The following EPB41L4A variants were observed in gnomAD, a reference collection of about 807,000 sequenced individuals.
The protein encoded by EPB41L4A is erythrocyte membrane protein band 4.1 like 4A.
Under a neutral mutation model 108.6 loss-of-function variants are expected in EPB41L4A, and 100 were observed. That is an observed-to-expected ratio of 0.92 (90% CI 0.78 to 1.09). EPB41L4A has a LOEUF of 1.09. Ranked by LOEUF, EPB41L4A falls within the 50% of genes least tolerant of loss-of-function variation. EPB41L4A has a pLI of 0.00. For missense variants in EPB41L4A, 1,030 were observed against 842.7 expected, an observed-to-expected ratio of 1.22 and a Z score of -2.75; for synonymous variants, 319 against 289.0, an observed-to-expected ratio of 1.10 and a Z score of -1.05.
chr5:112,339,830 T>G (rs1757196264), intron 1 of EPB41L4A, among the ~76,000 whole-genome samples: 2 of 152,178 alleles, frequency 1.3e-5, no homozygotes, highest in South Asian at 4.1e-4. Context: ...GCCACCACGC[T>G]TGGCCAAGCT....
intron 1 of EPB41L4A, among the ~76,000 whole-genome samples, chr5:112,415,965 T>C (rs957658711): frequency 6.7e-6 from 1 of 148,294 alleles, no homozygotes; most frequent in Admixed American, 6.6e-5. Context: ...CTGTGTTTTA[T>C]TTTTCTGGTA....
At chr5:112,149,291 G>A (rs564217081) in intron 12 of EPB41L4A, among the ~76,000 whole-genome samples, 11 of 152,218 alleles carry the variant, frequency 7.2e-5, no homozygotes, top group Non-Finnish European at 1.2e-4. Flanking sequence ...ACCACATGAT[G>A]AAACACTGTC....
At chr5:112,142,247 GCT>G (rs1759097790), downstream of EPB41L4A, among the ~76,000 whole-genome samples, 1 of 152,172 alleles carries the variant, frequency 6.6e-6, no homozygotes, top group South Asian at 2.1e-4. Flanking sequence ...CTGTCCTGCA[GCT>G]CTCTTTCTTC....
At chr5:112,154,671 A>G (rs990956842) in intron 12 of EPB41L4A, among the ~76,000 whole-genome samples, 9 of 152,230 alleles carry the variant, frequency 5.9e-5, no homozygotes, top group Admixed American at 4.6e-4. Context: ...AAGCATAAAT[A>G]GCCCCCACAA....
At chr5:112,326,153 A>T (rs1408302545) in intron 1 of EPB41L4A, among the ~76,000 whole-genome samples, 2 of 152,088 alleles carry the variant, frequency 1.3e-5, no homozygotes, top group African/African-American at 4.8e-5. Flanking sequence ...CCATCTCTTA[A>T]AAAAAATTTT....
At chr5:112,317,105 C>T (rs985202518) in intron 1 of EPB41L4A, among the ~76,000 whole-genome samples, 1 of 152,210 alleles carries the variant, frequency 6.6e-6, no homozygotes, top group Admixed American at 6.5e-5. Context: ...GGAGGAATGA[C>T]ATGAACATAT....
intron 1 of EPB41L4A, among the ~76,000 whole-genome samples, chr5:112,393,135 G>A (rs1212139417): frequency 1.3e-5 from 2 of 152,176 alleles, no homozygotes; most frequent in African/African-American, 2.4e-5. Context: ...ACAAGAGAAA[G>A]CAGGAAAGAT....
chr5:112,251,529 C>CA (rs1750668888), intron 9 of EPB41L4A, among the ~76,000 whole-genome samples: 2 of 151,890 alleles, frequency 1.3e-5, no homozygotes, highest in Non-Finnish European at 2.9e-5. Flanking sequence ...CAACACAGTA[C>CA]AAAAACCCAT....
In EPB41L4A at chr5:112,264,948, C is replaced by CA; in HGVS notation, c.501dup (p.Asp168Ter). 6.2e-7 allele frequency: 1 copy of CA among 1,611,966 alleles called. No individual in the cohort carries two copies. ...GCTTCTTCAAGTTCTTCCTTCTGAT[C>CA]AGGAACAAACCGGTACTCAGATACA... On this transcript the variant is annotated frameshift_variant, in exon 6 of 23. Coordinates refer to ENST00000261486, the MANE Select transcript of EPB41L4A (RefSeq NM_022140.5). LOFTEE classifies it high-confidence loss of function.
At chr5:112,388,346 A>G (rs967955211) in intron 1 of EPB41L4A, among the ~76,000 whole-genome samples, 3 of 152,200 alleles carry the variant, frequency 2.0e-5, no homozygotes, top group Non-Finnish European at 4.4e-5. Context: ...GAATCTGGAA[A>G]CAGATCGGCA....
At chr5:112,407,127 C>G (rs371987678) in intron 1 of EPB41L4A, among the ~76,000 whole-genome samples, 2 of 152,040 alleles carry the variant, frequency 1.3e-5, no homozygotes, top group Admixed American at 6.6e-5. Flanking sequence ...GAAACGAGTT[C>G]GTGTGAAAGA....
chr5:112,169,678 TAAAAAC>T (rs1361278054), intron 20 of EPB41L4A, among the ~76,000 whole-genome samples: 4 of 152,192 alleles, frequency 2.6e-5, no homozygotes, highest in Non-Finnish European at 4.4e-5. Flanking sequence ...CCTTAATAAT[TAAAAAC>T]AAATAAATAA....
chr5:112,249,084 G>A (rs1413909169), intron 9 of EPB41L4A: 1 of 152,012 alleles, frequency 6.6e-6, no homozygotes, highest in Non-Finnish European at 1.5e-5. Flanking sequence ...CAAAAGAGAT[G>A]AGTACTTCTA....
At chr5:112,236,697 G>C (rs113486323) in intron 11 of EPB41L4A, among the ~76,000 whole-genome samples, 1 of 152,178 alleles carries the variant, frequency 6.6e-6, no homozygotes, top group Non-Finnish European at 1.5e-5. Flanking sequence ...TGCATGCTGA[G>C]TGGCACTGCC....
rs775275124 is a variant in EPB41L4A, at chr5:112,239,681, A to G, written c.944T>C (p.Ile315Thr). The G allele has an allele frequency of 6.2e-7, 1 of 1,607,160 alleles. No individual in the cohort carries two copies. Among genetic ancestry groups the G allele is most frequent in the South Asian group, 1.1e-5 (1 of 89,936 alleles). The change falls in exon 11 of 23, where the codon ATA (isoleucine) becomes ACA (threonine). Residue 315 changes from isoleucine (I) to threonine (T), a missense_variant. Transcript: ENST00000261486. ...TTACCTGTAGCGGTGCTTATAACGT[A>G]TGGATCCAAACTTGCTGAGTTTTCT... The part of the protein sequence containing the change: ...LSRKLSKFGS[I>T]RYKHRYSGRT...
intron 17 of EPB41L4A, among the ~76,000 whole-genome samples, chr5:112,188,252 G>C (rs4958009): frequency 6.6e-6 from 1 of 151,992 alleles, no homozygotes; most frequent in South Asian, 2.1e-4. Context: ...CTAGGGAAAT[G>C]TATGTTGGTT....
intron 1 of EPB41L4A, among the ~76,000 whole-genome samples, chr5:112,312,932 A>G (rs1352149032): frequency 6.6e-6 from 1 of 152,222 alleles, no homozygotes; most frequent in African/African-American, 2.4e-5. Context: ...ACATAGAACC[A>G]AAGTGCAATT....
chr5:112,177,122 C>T (rs895556133), intron 18 of EPB41L4A, among the ~76,000 whole-genome samples: 35 of 152,184 alleles, frequency 2.3e-4, no homozygotes, highest in African/African-American at 7.9e-4. Context: ...ACTTTAACTG[C>T]ACTTTGGCCG....
At chr5:112,195,515 A>G (rs552311051) in intron 16 of EPB41L4A, 146 bp downstream of exon 16, 2 of 686,348 alleles carry the variant, frequency 2.9e-6, no homozygotes, top group Non-Finnish European at 5.1e-6. Context: ...AGAATGGAAG[A>G]CTGGGAATCA....
Sources: allele counts gnomAD v4.1 joint callset (sites outside exome capture counted in the v4.1 genomes callset), GRCh38; gene constraint gnomAD v4.1.1; transcripts MANE v1.5; gene names NCBI Gene and HGNC (gene_info 2026-07-23, HGNC 2026-07-21).